The following TRMT44 variants were observed in gnomAD, a reference collection of about 807,000 sequenced individuals.
The protein encoded by TRMT44 is tRNA methyltransferase 44 homolog.
A neutral mutation model predicts 77.3 loss-of-function variants in TRMT44; 78 were observed. The observed-to-expected ratio is 1.01, with a 90% CI of 0.84 to 1.22. The LOEUF is 1.22. Among genes scored for constraint, TRMT44 ranks in the 50% most tolerant of loss-of-function variants. The pLI, the probability that TRMT44 is intolerant of heterozygous loss-of-function variation, is 0.00. For synonymous variants in TRMT44, 391 were observed against 383.3 expected (o/e 1.02, Z -0.23); for missense variants, 1,090 against 964.4 (o/e 1.13, Z -1.73).
chr4:8,478,173 C>G (rs77033502), downstream of TRMT44: 2 of 152,930 alleles, frequency 1.3e-5, no homozygotes, highest in African/African-American at 4.8e-5. Context: ...GGACTCCAAA[C>G]CTGGCTCTGG....
chr4:8,468,741 C>G (rs926345368), intron 9 of TRMT44, among the ~76,000 whole-genome samples: 1 of 152,226 alleles, frequency 6.6e-6, no homozygotes, highest in African/African-American at 2.4e-5. Flanking sequence ...TAATTTAATT[C>G]TCTTTGAAAT....
intron 3 of TRMT44, 64 bp downstream of exon 3, chr4:8,449,952 T>TTCTTTTA: frequency 3.1e-5 from 14 of 445,960 alleles, no homozygotes; most frequent in Non-Finnish European, 4.2e-5. Context: ...TTCTTTTCTT[T>TTCTTTTA]TTTTTTTTTT....
At chr4:8,514,531 C>T in the TRMT44 span, among the ~76,000 whole-genome samples, 25 of 152,058 alleles carry the variant, frequency 1.6e-4, no homozygotes, top group Non-Finnish European at 3.1e-4. Flanking sequence ...CCCGCCTCAG[C>T]CTCCCTATGT....
At chr4:8,490,243 T>C (rs552430819) in intron 2 of TRMT44, among the ~76,000 whole-genome samples, 1 of 152,340 alleles carries the variant, frequency 6.6e-6, no homozygotes, top group Admixed American at 6.5e-5. Flanking sequence ...GAGTAGTGAC[T>C]CTGTGTCTGG....
intron 2 of TRMT44, among the ~76,000 whole-genome samples, chr4:8,447,264 C>T (rs1012312650): frequency 6.6e-6 from 1 of 152,152 alleles, no homozygotes; most frequent in East Asian, 1.9e-4. Flanking sequence ...TATAAAGTAG[C>T]GGTTTAATAA....
At chr4:8,501,549 C>T in the TRMT44 span, among the ~76,000 whole-genome samples, 6 of 152,292 alleles carry the variant, frequency 3.9e-5, no homozygotes, top group South Asian at 2.1e-4. The surrounding 1 kb of genome is among the most constrained non-coding windows in gnomAD (Gnocchi z 4.4). Flanking sequence ...ACAGCTTTAG[C>T]GGGCACTTGG....
downstream of TRMT44, among the ~76,000 whole-genome samples, chr4:8,496,730 G>A (rs1011869130): frequency 6.6e-6 from 1 of 152,028 alleles, no homozygotes; most frequent in African/African-American, 2.4e-5. Context: ...CTGAGCCTCA[G>A]GGGCAGCCAG....
At chr4:8,507,452 C>T in the TRMT44 span, 1 of 152,998 alleles carries the variant, frequency 6.5e-6, no homozygotes. Context: ...GAAGCACTCC[C>T]ATCCTCCCCC....
intron 10 of TRMT44, among the ~76,000 whole-genome samples, chr4:8,472,146 A>G (rs1727048320): frequency 6.6e-6 from 1 of 152,074 alleles, no homozygotes; most frequent in Non-Finnish European, 1.5e-5. Context: ...TGCCCTAAGC[A>G]CACATTTCTG....
chr4:8,462,489 G>A lies in TRMT44; in HGVS notation c.1204-1496G>A, dbSNP rs368838648. ...TGGGAGGCCAAAGCAGGTAGATCACGAGGTCACGAGATCGAGACCAGCCTG... is the reference window on the plus strand; with the variant it reads ...TGGGAGGCCAAAGCAGGTAGATCACAAGGTCACGAGATCGAGACCAGCCTG... On this transcript the variant is annotated intron_variant, in intron 6 of 10. Coordinates refer to ENST00000389737, the MANE Select transcript of TRMT44 (RefSeq NM_152544.3). 1.3e-3 allele frequency among the ~76,000 whole-genome samples: 204 copies of A among 152,196 alleles called. 5 individuals carry two copies. In the South Asian group the frequency reaches 0.039, roughly 29 times the overall value.
intron 10 of TRMT44, 123 bp downstream of exon 10, chr4:8,471,323 G>A (rs2631768): frequency 0.66 from 444,629 of 670,198 alleles, 149,214 homozygotes; most frequent in South Asian, 0.81. Context: ...AGCAAGTTCC[G>A]CGGTGCCCCA....
chr4:8,465,705 T>A (rs1233744412), intron 8 of TRMT44, 144 bp downstream of exon 8: 1 of 738,660 alleles, frequency 1.4e-6, no homozygotes, highest in African/African-American at 1.8e-5. Context: ...CCTCTGTCAC[T>A]GATGAGGCCC....
At chr4:8,493,030 G>C (rs1728055371) in intron 2 of TRMT44, among the ~76,000 whole-genome samples, 1 of 152,170 alleles carries the variant, frequency 6.6e-6, no homozygotes, top group African/African-American at 2.4e-5. Context: ...ACTGAGACCT[G>C]TCTCAGATAT....
chr4:8,467,374 T>C (rs181262062), intron 8 of TRMT44, among the ~76,000 whole-genome samples: 1 of 152,302 alleles, frequency 6.6e-6, no homozygotes, highest in South Asian at 2.1e-4. Context: ...TTAGATCTTG[T>C]GAAGGTCCAA....
chr4:8,446,734 G>A lies in TRMT44; in HGVS notation c.734+144G>A. ...TAGGAATGCAGTTGCTAGCTTATGT[G>A]CCCAGGCCATGTTGCTCTTCCTGTT... On this transcript the variant is annotated intron_variant, in intron 2 of 10. Coordinates refer to ENST00000389737, the MANE Select transcript of TRMT44 (RefSeq NM_152544.3). The surrounding 1 kb of genome is among the most constrained non-coding windows in gnomAD (Gnocchi z 4.3). The A allele has an allele frequency of 3.4e-6, 2 of 585,450 alleles. No homozygotes were observed. Among genetic ancestry groups the A allele is most frequent in the Non-Finnish European group, 5.9e-6 (2 of 340,490 alleles). 36.3% of individuals were successfully genotyped at this position (585,450 alleles called of 1,614,324 possible).
chr4:8,495,508 A>C (rs370494329), downstream of TRMT44, among the ~76,000 whole-genome samples: 5 of 152,218 alleles, frequency 3.3e-5, no homozygotes, highest in African/African-American at 1.2e-4. Flanking sequence ...GAGCTTTCAA[A>C]ATGAATCCAT....
the TRMT44 span, among the ~76,000 whole-genome samples, chr4:8,500,312 T>C: frequency 6.6e-6 from 1 of 151,988 alleles, no homozygotes. Flanking sequence ...GCCAATATCG[T>C]GTAACCCTAT....
At chr4:8,477,234 ATG>A (rs1311923613), downstream of TRMT44, 1 of 151,170 alleles carries the variant, frequency 6.6e-6, no homozygotes, top group East Asian at 2.0e-4. Flanking sequence ...GTGAGAATAA[ATG>A]GGCATCTTCT....
intron 2 of TRMT44, among the ~76,000 whole-genome samples, chr4:8,486,933 C>G (rs1727828614): frequency 6.6e-6 from 1 of 151,858 alleles, no homozygotes; most frequent in African/African-American, 2.4e-5. Context: ...TCAGATGGGT[C>G]TGTAGAAAAG....
Sources: gnomAD v4.1 joint callset for allele counts (sites outside exome capture counted in the v4.1 genomes callset) on GRCh38, gnomAD v4.1.1 for gene constraint, Gnocchi (gnomAD v3.1) non-coding constraint, MANE v1.5 for transcripts, NCBI Gene and HGNC (gene_info 2026-07-23, HGNC 2026-07-21) for gene names.